LMBRD1: variants seen among roughly 807,000 people sequenced by gnomAD.
LMBRD1 encodes the protein LMBR1 domain containing 1, also known as lysosomal cobalamin transport escort protein LMBD1.
A neutral mutation model predicts 74.8 loss-of-function variants in LMBRD1; 64 were observed. The observed-to-expected ratio is 0.86, with a 90% CI of 0.70 to 1.05. The LOEUF is 1.05. Among genes scored for constraint, LMBRD1 ranks in the 50% least tolerant of loss-of-function variants. LMBRD1 has a pLI of 0.00. For synonymous variants in LMBRD1, 204 were observed against 216.3 expected (o/e 0.94, Z 0.50); for missense variants, 652 against 645.9 (o/e 1.01, Z -0.10).
At chr6:69,680,277 C>T (rs1337363364) in intron 14 of LMBRD1, among the ~76,000 whole-genome samples, 1 of 152,136 alleles carries the variant, frequency 6.6e-6, no homozygotes, top group Non-Finnish European at 1.5e-5. Flanking sequence ...AAGTATAAGC[C>T]TGTGAAAAAC....
At chr6:69,785,343 A>G (rs956562297) in intron 2 of LMBRD1, among the ~76,000 whole-genome samples, 24 of 152,150 alleles carry the variant, frequency 1.6e-4, no homozygotes, top group African/African-American at 5.6e-4. Context: ...ATAACTGTAG[A>G]TATCATCCAT....
intron 4 of LMBRD1, 111 bp downstream of exon 4, chr6:69,752,147 AT>A: frequency 1.0e-6 from 1 of 961,196 alleles, no homozygotes; most frequent in South Asian, 1.6e-5. Flanking sequence ...CTAACATTGT[AT>A]TTCTATTAGA....
chr6:69,774,495 A>G (rs1307727909), intron 3 of LMBRD1, among the ~76,000 whole-genome samples: 1 of 152,196 alleles, frequency 6.6e-6, no homozygotes, highest in Non-Finnish European at 1.5e-5. Flanking sequence ...CCCGCCTTTC[A>G]TTAATTTCTT....
At chr6:69,688,318 A>G (rs1765808186) in intron 14 of LMBRD1, among the ~76,000 whole-genome samples, 1 of 152,102 alleles carries the variant, frequency 6.6e-6, no homozygotes, top group Non-Finnish European at 1.5e-5. Flanking sequence ...GTTTTAAACA[A>G]AAGTAAGCCT....
At position 69,753,636 on chromosome 6, in the gene LMBRD1, C is replaced by G. The variant is rs75523309; in HGVS notation, c.308-1280G>C. On this transcript the variant is annotated intron_variant, in intron 3 of 15. Coordinates refer to ENST00000649934, the MANE Select transcript of LMBRD1 (RefSeq NM_018368.4). ...ACTCTCGAAGAGTTATTTGTACACCCATGTTCCTAACTGCATTGTTCACAG... is the reference window on the plus strand; with the variant it reads ...ACTCTCGAAGAGTTATTTGTACACCGATGTTCCTAACTGCATTGTTCACAG... Among the ~76,000 whole-genome samples, 378 of 152,290 alleles carry G rather than the reference C, an allele frequency of 2.5e-3. 4 individuals carry two copies. The highest frequency in any genetic ancestry group is 0.017 in the Admixed American group (257 of 15,296).
chr6:69,768,733 T>C (rs1765520242), intron 3 of LMBRD1, among the ~76,000 whole-genome samples: 1 of 152,074 alleles, frequency 6.6e-6, no homozygotes, highest in African/African-American at 2.4e-5. Flanking sequence ...CCTTAAAGAC[T>C]TCCTTTAGCA....
intron 3 of LMBRD1, among the ~76,000 whole-genome samples, chr6:69,761,916 C>G (rs1310111763): frequency 1.3e-5 from 2 of 152,180 alleles, no homozygotes; most frequent in Admixed American, 6.5e-5. Context: ...GCTTCCTTCA[C>G]TTAGCACAGG....
At chr6:69,709,443 C>T (rs1389472466) in intron 9 of LMBRD1, among the ~76,000 whole-genome samples, 2 of 152,080 alleles carry the variant, frequency 1.3e-5, no homozygotes, top group Non-Finnish European at 2.9e-5. Flanking sequence ...TTCAGGCATG[C>T]CTATTACCCT....
chr6:69,722,720 A>G (rs1766642771), intron 7 of LMBRD1, among the ~76,000 whole-genome samples: 3 of 152,210 alleles, frequency 2.0e-5, no homozygotes, highest in Admixed American at 2.0e-4. Context: ...GCAAGACATT[A>G]AAGCATACCA....
intron 7 of LMBRD1, among the ~76,000 whole-genome samples, chr6:69,720,886 G>A (rs898663273): frequency 5.3e-5 from 8 of 152,108 alleles, no homozygotes; most frequent in Admixed American, 1.3e-4. Context: ...ATCCCCCAGC[G>A]GCAGCCATGA....
intron 4 of LMBRD1, among the ~76,000 whole-genome samples, chr6:69,750,347 A>G (rs1765104172): frequency 6.6e-6 from 1 of 151,910 alleles, no homozygotes; most frequent in Non-Finnish European, 1.5e-5. Context: ...AAGTGATTAA[A>G]TAAGTACTTA....
chr6:69,721,833 C>A (rs1489690885), intron 7 of LMBRD1, among the ~76,000 whole-genome samples: 3 of 152,172 alleles, frequency 2.0e-5, no homozygotes, highest in Non-Finnish European at 4.4e-5. Context: ...AGCCCATTGC[C>A]CTGCAGGCTG....
intron 6 of LMBRD1, among the ~76,000 whole-genome samples, chr6:69,739,412 T>G (rs940555398): frequency 6.6e-6 from 1 of 152,116 alleles, no homozygotes; most frequent in African/African-American, 2.4e-5. Flanking sequence ...GCTGCATATA[T>G]CTTTATGATA....
intron 14 of LMBRD1, among the ~76,000 whole-genome samples, chr6:69,681,729 T>C (rs1478594327): frequency 6.6e-6 from 1 of 151,958 alleles, no homozygotes; most frequent in Non-Finnish European, 1.5e-5. Context: ...GCCTAGACTA[T>C]TTAGAAGCCA....
intron 3 of LMBRD1, among the ~76,000 whole-genome samples, chr6:69,775,150 A>C (rs1765672981): frequency 2.0e-5 from 3 of 152,150 alleles, no homozygotes; most frequent in Non-Finnish European, 2.9e-5. Flanking sequence ...ACCTGATCAG[A>C]GTCCTTAGGT....
Position 69,743,516 on chromosome 6 carries a change from A to T in LMBRD1, c.474-1639T>A, listed in dbSNP as rs375166659. Reference sequence around the variant, plus strand: ...GAGGGAAACTTATATAATCAAAAAAACTAAAAAGACTAAGTTAAGTGACCC... The same window carrying T: ...GAGGGAAACTTATATAATCAAAAAATCTAAAAAGACTAAGTTAAGTGACCC... On this transcript the variant is annotated intron_variant, in intron 5 of 15. Coordinates refer to ENST00000649934, the MANE Select transcript of LMBRD1 (RefSeq NM_018368.4). 3.9e-5 allele frequency among the ~76,000 whole-genome samples: 6 copies of T among 152,330 alleles called. No individual in the cohort carries two copies. In the East Asian group the frequency reaches 7.7e-4, roughly 20 times the overall value.
intron 7 of LMBRD1, among the ~76,000 whole-genome samples, chr6:69,725,201 G>A (rs1316495052): frequency 2.0e-5 from 3 of 151,830 alleles, no homozygotes; most frequent in Non-Finnish European, 2.9e-5. Flanking sequence ...AAATACTGAT[G>A]AATGAGGAAG....
chr6:69,718,584 T>C (rs988712150), intron 8 of LMBRD1, among the ~76,000 whole-genome samples: 4 of 152,160 alleles, frequency 2.6e-5, no homozygotes, highest in East Asian at 1.9e-4. Context: ...CTTACAATCA[T>C]AGCAGAAGGG....
chr6:69,709,011 G>C (rs1582072471), intron 9 of LMBRD1, among the ~76,000 whole-genome samples: 1 of 152,136 alleles, frequency 6.6e-6, no homozygotes, highest in Non-Finnish European at 1.5e-5. Context: ...GAGGCAGGCA[G>C]ATCGCCTGAG....
Sources: gnomAD v4.1 joint callset for allele counts (sites outside exome capture counted in the v4.1 genomes callset) on GRCh38, gnomAD v4.1.1 for gene constraint, MANE v1.5 for transcripts, NCBI Gene and HGNC (gene_info 2026-07-23, HGNC 2026-07-21) for gene names.